The following IGF2 variants were observed in gnomAD, a reference collection of about 807,000 sequenced individuals.
IGF2 encodes insulin like growth factor 2, also known as insulin-like growth factor 2.
A neutral mutation model predicts 12.0 loss-of-function variants in IGF2; 2 were observed. The observed-to-expected ratio is 0.17, with a 90% confidence interval of 0.07 to 0.52. IGF2 has a LOEUF of 0.52. Ranked by LOEUF, IGF2 falls within the 20% of genes least tolerant of loss-of-function variation. IGF2 has a pLI of 0.95. For synonymous variants in IGF2, 105 were observed against 110.1 expected (o/e 0.95, Z 0.29); for missense variants, 211 against 268.0 (o/e 0.79, Z 1.48).
rs926627572 is a variant in IGF2, at chr11:2,131,513, T to A, written c.*1474A>T. 1.3e-5 allele frequency: 3 copies of A among 229,974 alleles called. No individual in the cohort carries two copies. The highest frequency in any genetic ancestry group is 2.3e-5 in the African/African-American group (1 of 44,206). The allele number at this position is 229,974 out of a possible 1,614,324, so 14.2% of individuals were successfully genotyped here. ...GTTTGTGTGCTGTGAGCTGTGTTCATGTATGTGCTGCGCATGAGTGTGTGT... is the reference window on the plus strand; with the variant it reads ...GTTTGTGTGCTGTGAGCTGTGTTCAAGTATGTGCTGCGCATGAGTGTGTGT... On this transcript the variant is annotated 3_prime_UTR_variant, in exon 4 of 4. Transcript: ENST00000416167.
Position 2,138,785 on chromosome 11 carries a change from G to C in IGF2, c.-563C>G. 2.1e-6 allele frequency: 2 copies of C among 948,560 alleles called. No homozygotes were observed. The highest frequency in any genetic ancestry group is 2.5e-6 in the Non-Finnish European group (2 of 797,270). The allele number at this position is 948,560 out of a possible 1,614,324, so 58.8% of individuals were successfully genotyped here. A position where few individuals can be genotyped will look rare whatever the true frequency, so the allele number is the denominator to read the frequency against. On this transcript the variant is annotated 5_prime_UTR_variant, in exon 1 of 4. Coordinates refer to ENST00000416167, the MANE Select transcript of IGF2 (RefSeq NM_000612.6). ...GGTTGCGGGAGAAAGAGCGGGGGCC[G>C]GGGCCAGACGCCAAGAGGGGCGCGG...
upstream of IGF2, chr11:2,140,699 CG>C (rs1348752823): frequency 2.2e-6 from 1 of 452,962 alleles, no homozygotes; most frequent in South Asian, 1.6e-5. Context: ...CGAGCGCAGC[CG>C]CCAGCCGCAA....
At chr11:2,146,659 G>T in the IGF2 span, 1 of 306,926 alleles carries the variant, frequency 3.3e-6, no homozygotes, top group Non-Finnish European at 6.5e-6. Flanking sequence ...CTAAGGTAAA[G>T]ACACCTTTGA....
At position 2,130,530 on chromosome 11, in the gene IGF2, G is replaced by GT. The variant is rs1313437401; in HGVS notation, c.*2456_*2457insA. On this transcript the variant is annotated 3_prime_UTR_variant, in exon 4 of 4. Coordinates refer to ENST00000416167, the MANE Select transcript of IGF2 (RefSeq NM_000612.6). The stretch of plus-strand genomic sequence containing the variant: ...TTTGTCACTGCCCCCCTGTTACATG[G>GT]GGGGGGGGTTTAATTTGGTTTCTGA... 2 of 214,178 alleles carry GT rather than the reference G, an allele frequency of 9.3e-6. No individual in the cohort carries two copies. Among genetic ancestry groups the GT allele is most frequent in the Non-Finnish European group, 1.8e-5 (2 of 109,656 alleles). The allele number at this position is 214,178 out of a possible 1,614,324, so 13.3% of individuals were successfully genotyped here.
At chr11:2,143,914 G>A (rs953367034), upstream of IGF2, among the ~76,000 whole-genome samples, 30 of 152,128 alleles carry the variant, frequency 2.0e-4, no homozygotes, top group African/African-American at 7.0e-4. Context: ...CCCGGGCAGC[G>A]GAAGGAAGGC....
the IGF2 span, chr11:2,147,062 C>G: frequency 5.2e-5 from 8 of 152,884 alleles, no homozygotes; most frequent in Admixed American, 4.6e-4. The surrounding 1 kb of genome is among the most constrained non-coding windows in gnomAD (Gnocchi z 7.2). Flanking sequence ...GACTGTCACC[C>G]ACTTTGATAA....
At chr11:2,149,437 C>G in the IGF2 span, 2 of 1,058,466 alleles carry the variant, frequency 1.9e-6, no homozygotes, top group Non-Finnish European at 2.8e-6. Context: ...GGCACCTGCT[C>G]AAATGCCAAC....
chr11:2,131,031 C>A lies in IGF2; in HGVS notation c.*1956G>T. The stretch of plus-strand genomic sequence containing the variant: ...AACTCCTTCCTCACTCTGGCTGGGC[C>A]AACACACAGTAAGTAAGGTGTATCG... On this transcript the variant is annotated 3_prime_UTR_variant, in exon 4 of 4. Coordinates refer to ENST00000416167, the MANE Select transcript of IGF2 (RefSeq NM_000612.6). The A allele has an allele frequency of 4.3e-6, 1 of 230,752 alleles. No individual in the cohort carries two copies. Among genetic ancestry groups the A allele is most frequent in the East Asian group, 6.1e-5 (1 of 16,312 alleles). The allele number at this position is 230,752 out of a possible 1,614,324, so 14.3% of individuals were successfully genotyped here.
chr11:2,131,030 C>T lies in IGF2; in HGVS notation c.*1957G>A, dbSNP rs1339644553. On this transcript the variant is annotated 3_prime_UTR_variant, in exon 4 of 4. Coordinates refer to ENST00000416167, the MANE Select transcript of IGF2 (RefSeq NM_000612.6). ...AAACTCCTTCCTCACTCTGGCTGGGCCAACACACAGTAAGTAAGGTGTATC... is the reference window on the plus strand; with the variant it reads ...AAACTCCTTCCTCACTCTGGCTGGGTCAACACACAGTAAGTAAGGTGTATC... 7 of 230,482 alleles carry T rather than the reference C, an allele frequency of 3.0e-5. No individual in the cohort carries two copies. In the East Asian group the frequency reaches 3.7e-4, roughly 12 times the overall value. 14.3% of individuals were successfully genotyped at this position (230,482 alleles called of 1,614,324 possible).
At chr11:2,147,567 T>A in the IGF2 span, 1 of 1,203,574 alleles carries the variant, frequency 8.3e-7, no homozygotes, top group Non-Finnish European at 1.0e-6. This position sits in a 1 kb window ranked among gnomAD's most constrained non-coding sequence, Gnocchi z 7.2. Context: ...GACACTCACC[T>A]CTCTGCCTCG....
intron 2 of IGF2, among the ~76,000 whole-genome samples, chr11:2,135,078 G>T (rs1039224239): frequency 6.6e-6 from 1 of 152,184 alleles, no homozygotes; most frequent in Non-Finnish European, 1.5e-5. Flanking sequence ...GGAGCCTCAC[G>T]GCCCCCAACA....
chr11:2,147,478 T>C, the IGF2 span: 1 of 521,724 alleles, frequency 1.9e-6, no homozygotes, highest in Non-Finnish European at 2.9e-6. The surrounding 1 kb of genome is among the most constrained non-coding windows in gnomAD (Gnocchi z 7.2). Flanking sequence ...CCAAAGCTGC[T>C]TGCAGAAGGG....
At chr11:2,139,838 TG>T (rs530601626), upstream of IGF2, among the ~76,000 whole-genome samples, 1,170 of 149,246 alleles carry the variant, frequency 7.8e-3, 14 homozygotes, top group African/African-American at 0.026. Flanking sequence ...GCAGGTGGCT[TG>T]GGGCTGAGTC....
the IGF2 span, chr11:2,149,508 C>T: frequency 2.3e-5 from 16 of 682,084 alleles, no homozygotes; most frequent in Non-Finnish European, 3.7e-5. Flanking sequence ...TGAGCCCCTC[C>T]GAATTTGGGG....
At position 2,132,839 on chromosome 11, in the gene IGF2, G is replaced by A; in HGVS notation, c.*148C>T. 1.6e-6 allele frequency: 1 copy of A among 611,336 alleles called. No homozygotes were observed. The highest frequency in any genetic ancestry group is 2.8e-5 in the Admixed American group (1 of 35,818). The allele number at this position is 611,336 out of a possible 1,614,324, so 37.9% of individuals were successfully genotyped here. A position where few individuals can be genotyped will look rare whatever the true frequency, so the allele number is the denominator to read the frequency against. ...GGCCGAGGAGAGTAGCCTGTTTCGG[G>A]GAGGCGGGGCACGGGGACTGGGTCA... is the stretch of plus-strand genomic sequence containing the variant. On this transcript the variant is annotated 3_prime_UTR_variant, in exon 4 of 4. Transcript: ENST00000416167.
chr11:2,134,062 C>A (rs1213905998), intron 2 of IGF2: 2 of 429,192 alleles, frequency 4.7e-6, no homozygotes, highest in Non-Finnish European at 9.2e-6. Context: ...TGGACTCTGG[C>A]CTGGCACCAC....
At chr11:2,148,021 G>A in the IGF2 span, 1 of 398,220 alleles carries the variant, frequency 2.5e-6, no homozygotes, top group South Asian at 1.4e-4. This position sits in a 1 kb window ranked among gnomAD's most constrained non-coding sequence, Gnocchi z 4.3. Context: ...GTGGTGAGAA[G>A]TTTGCCTAGA....
In IGF2 at chr11:2,132,541, TA is replaced by T. The variant is rs1272506282; in HGVS notation, c.*445del. ...AATTGTTTCTCAGCCAATTCGTTTT[TA>T]ATACTTTTTTTTTTTAGCCAATTGA... On this transcript the variant is annotated 3_prime_UTR_variant, in exon 4 of 4. Coordinates refer to ENST00000416167, the MANE Select transcript of IGF2 (RefSeq NM_000612.6). 2.4e-5 allele frequency: 5 copies of T among 211,928 alleles called. No homozygotes were observed. Among genetic ancestry groups the T allele is most frequent in the African/African-American group, 1.1e-4 (5 of 43,768 alleles). The allele number at this position is 211,928 out of a possible 1,614,324, so 13.1% of individuals were successfully genotyped here.
chr11:2,135,544 G>A lies in IGF2; in HGVS notation c.-6-15C>T. Reference sequence around the variant, plus strand: ...CCCATTGGTGTCTGGGGGCGGGAGAGAAGTGGCGTGAGCGGGGCAGCCAGG... The same window carrying A: ...CCCATTGGTGTCTGGGGGCGGGAGAAAAGTGGCGTGAGCGGGGCAGCCAGG... On this transcript the variant is annotated splice_polypyrimidine_tract_variant and intron_variant, in intron 1 of 3. Coordinates refer to ENST00000416167, the MANE Select transcript of IGF2 (RefSeq NM_000612.6). 6.2e-7 allele frequency: 1 copy of A among 1,609,380 alleles called. No individual in the cohort carries two copies.
Sources: allele counts gnomAD v4.1 joint callset (sites outside exome capture counted in the v4.1 genomes callset), GRCh38; gene constraint gnomAD v4.1.1; non-coding constraint Gnocchi (gnomAD v3.1); transcripts MANE v1.5; gene names NCBI Gene and HGNC (gene_info 2026-07-23, HGNC 2026-07-21).